The following INSYN2A variants were observed in gnomAD, a reference collection of about 807,000 sequenced individuals.
INSYN2A encodes the protein inhibitory synaptic factor 2A, also known as family with sequence similarity 196 member A.
Under a neutral mutation model 39.4 loss-of-function variants are expected in INSYN2A, and 17 were observed. The observed-to-expected ratio is 0.43, with a 90% confidence interval of 0.30 to 0.65. The LOEUF (loss-of-function observed/expected upper bound fraction) is 0.65, where lower values mean the gene tolerates loss of function less well. Among genes scored for constraint, INSYN2A ranks in the 30% least tolerant of loss-of-function variants. The pLI, the probability that INSYN2A is intolerant of heterozygous loss-of-function variation, is 0.14. For synonymous variants in INSYN2A, 255 were observed against 265.7 expected (o/e 0.96, Z 0.39); for missense variants, 595 against 631.2 (o/e 0.94, Z 0.61).
chr10:127,142,699 G>A lies in INSYN2A; in HGVS notation c.1257-4679C>T, dbSNP rs115742245. ...AGGGATTTACCTTTGTAGCCCTCTC[G>A]CTGCCTGCACCTCCATTCTCCCTCC... On this transcript the variant is annotated intron_variant, in intron 5 of 5. Transcript: ENST00000522781. 3.6e-3 allele frequency among the ~76,000 whole-genome samples: 541 copies of A among 152,242 alleles called. 3 individuals are homozygous for A. The highest frequency in any genetic ancestry group is 0.012 in the African/African-American group (508 of 41,532).
intron 5 of INSYN2A, among the ~76,000 whole-genome samples, chr10:127,144,582 T>A (rs1320927214): frequency 6.6e-6 from 1 of 152,214 alleles, no homozygotes; most frequent in African/African-American, 2.4e-5. Flanking sequence ...GCCGCCCTAT[T>A]TTCTGTTTTC....
In INSYN2A at chr10:127,136,474, T is replaced by A; in HGVS notation, c.*1363A>T. ...CTCACAAACTATTCAAAATTTAAGTTGTACAAAAAAAAAAAAAAAGGCAAA... is the reference window on the plus strand; with the variant it reads ...CTCACAAACTATTCAAAATTTAAGTAGTACAAAAAAAAAAAAAAAGGCAAA... On this transcript the variant is annotated 3_prime_UTR_variant, in exon 6 of 6. Transcript: ENST00000522781. 1 of 141,844 alleles carries A rather than the reference T, an allele frequency of 7.1e-6. No individual in the cohort carries two copies. Among genetic ancestry groups the A allele is most frequent in the Non-Finnish European group, 1.5e-5 (1 of 66,420 alleles). 8.8% of individuals were successfully genotyped at this position (141,844 alleles called of 1,614,324 possible).
chr10:127,165,886 A>G (rs373495208), intron 4 of INSYN2A, among the ~76,000 whole-genome samples: 1 of 152,138 alleles, frequency 6.6e-6, no homozygotes, highest in Admixed American at 6.5e-5. Context: ...GACCCTCTCA[A>G]TGAGGGGATC....
chr10:127,165,151 G>A (rs2053962731), intron 4 of INSYN2A, among the ~76,000 whole-genome samples: 2 of 152,180 alleles, frequency 1.3e-5, no homozygotes, highest in South Asian at 4.1e-4. Context: ...GAATTTGAAA[G>A]CATTAATGTT....
At chr10:127,140,458 T>C (rs543230099) in intron 5 of INSYN2A, among the ~76,000 whole-genome samples, 2 of 152,182 alleles carry the variant, frequency 1.3e-5, no homozygotes, top group Admixed American at 1.3e-4. Flanking sequence ...CCCCAGCCCA[T>C]CTCCCCATCT....
At chr10:127,170,077 G>A (rs1236541147) in intron 4 of INSYN2A, among the ~76,000 whole-genome samples, 9 of 151,896 alleles carry the variant, frequency 5.9e-5, no homozygotes, top group Non-Finnish European at 1.2e-4. Flanking sequence ...CTTTCTCAAT[G>A]AGGATGAACA....
chr10:127,193,597 G>C (rs78171672), intron 1 of INSYN2A, among the ~76,000 whole-genome samples: 1 of 152,076 alleles, frequency 6.6e-6, no homozygotes, highest in Non-Finnish European at 1.5e-5. Flanking sequence ...AAATGTCTAC[G>C]TGAACGGGTC....
rs755543710 is a variant in INSYN2A, at chr10:127,176,337, G to A, written c.59C>T (p.Pro20Leu). ...ILTTSESEVEPAACLALEMKY... is the reference protein window; with the variant it reads ...ILTTSESEVELAACLALEMKY... ...CATCTCCAGGGCCAGGCAGGCGGCG[G>A]GTTCCACTTCACTCTCCGACGTTGT... Residue 20 changes from proline (P) to leucine (L), a missense_variant, in exon 4 of 6, where the codon CCC (proline) becomes CTC (leucine). Physicochemically the swap from Pro to Leu is moderately conservative, Grantham distance 98 (BLOSUM62 -3). This residue lies in a region of INSYN2A where 478 missense variants were observed against 467.4 expected (regional missense o/e 1.02). Coordinates refer to ENST00000522781, the MANE Select transcript of INSYN2A (RefSeq NM_001039762.3). This position sits in a 1 kb window ranked among gnomAD's most constrained non-coding sequence, Gnocchi z 4.4. 6.2e-6 allele frequency: 10 copies of A among 1,613,776 alleles called. No homozygotes were observed. Among genetic ancestry groups the A allele is most frequent in the Non-Finnish European group, 8.5e-6 (10 of 1,179,990 alleles).
Position 127,189,119 on chromosome 10 carries a change from G to A in INSYN2A, c.-269+3486C>T, listed in dbSNP as rs531834661. Among the ~76,000 whole-genome samples the A allele has an allele frequency of 2.6e-5, 4 of 152,304 alleles. No individual in the cohort carries two copies. The South Asian group carries it at 8.3e-4, about 32-fold the overall frequency. On this transcript the variant is annotated intron_variant, in intron 2 of 5. Coordinates refer to ENST00000522781, the MANE Select transcript of INSYN2A (RefSeq NM_001039762.3). ...GTGCATGTGGATGACACTGGATGCA[G>A]GACCTACGAGACACAAGCTTGAGAA... is the stretch of plus-strand genomic sequence containing the variant.
At chr10:127,185,605 A>T (rs1332457315) in intron 2 of INSYN2A, among the ~76,000 whole-genome samples, 1 of 152,174 alleles carries the variant, frequency 6.6e-6, no homozygotes, top group Non-Finnish European at 1.5e-5. Flanking sequence ...GCTTCCAAGG[A>T]GTCTTTTTAC....
chr10:127,143,152 C>T (rs2051437155), intron 5 of INSYN2A, among the ~76,000 whole-genome samples: 1 of 152,190 alleles, frequency 6.6e-6, no homozygotes, highest in Admixed American at 6.5e-5. Flanking sequence ...ACTGAATCCT[C>T]AAGATAATTT....
In INSYN2A at chr10:127,135,438, A is replaced by AT. The variant is rs941762334; in HGVS notation, c.*2398dup. On this transcript the variant is annotated 3_prime_UTR_variant, in exon 6 of 6. Coordinates refer to ENST00000522781, the MANE Select transcript of INSYN2A (RefSeq NM_001039762.3). ...TTAATAGCCACATAAAACATCTTTG[A>AT]TTTTTTTATTTAAAAATTAATAAAG... 1.3e-5 allele frequency: 2 copies of AT among 152,610 alleles called. No individual in the cohort carries two copies. The highest frequency in any genetic ancestry group is 4.8e-5 in the African/African-American group (2 of 41,452). 9.5% of individuals were successfully genotyped at this position (152,610 alleles called of 1,614,324 possible).
chr10:127,181,490 C>T (rs2055731014), intron 2 of INSYN2A, among the ~76,000 whole-genome samples: 1 of 152,152 alleles, frequency 6.6e-6, no homozygotes, highest in Non-Finnish European at 1.5e-5. Context: ...AGACACCTCC[C>T]AGGGCCCAGC....
At chr10:127,149,070 G>C (rs1346440437) in intron 5 of INSYN2A, among the ~76,000 whole-genome samples, 1 of 152,146 alleles carries the variant, frequency 6.6e-6, no homozygotes, top group Non-Finnish European at 1.5e-5. Flanking sequence ...TAAGGGAGAG[G>C]TGTTTTTCAG....
chr10:127,185,550 C>T (rs1191621074), intron 2 of INSYN2A, among the ~76,000 whole-genome samples: 2 of 152,126 alleles, frequency 1.3e-5, no homozygotes, highest in East Asian at 3.9e-4. Flanking sequence ...GGGACCTTAG[C>T]TGAGATACAG....
At chr10:127,145,988 C>T (rs1326026965) in intron 5 of INSYN2A, 14 of 515,962 alleles carry the variant, frequency 2.7e-5, no homozygotes, top group South Asian at 7.1e-5. Context: ...CCTGGGGACC[C>T]CGCACCCTGA....
intron 5 of INSYN2A, among the ~76,000 whole-genome samples, chr10:127,150,513 G>A (rs2052386282): frequency 6.6e-6 from 1 of 152,192 alleles, no homozygotes; most frequent in Non-Finnish European, 1.5e-5. Context: ...CACGACATAA[G>A]TGGTGCACCC....
chr10:127,167,417 G>A (rs917845263), intron 4 of INSYN2A, among the ~76,000 whole-genome samples: 3 of 152,170 alleles, frequency 2.0e-5, no homozygotes, highest in African/African-American at 7.2e-5. Flanking sequence ...GGAGAGATAA[G>A]GAATTGATGA....
At chr10:127,147,205 G>A (rs2051953250) in intron 5 of INSYN2A, among the ~76,000 whole-genome samples, 1 of 152,174 alleles carries the variant, frequency 6.6e-6, no homozygotes, top group African/African-American at 2.4e-5. Context: ...AAGCCGTCAA[G>A]GATTGTGGTG....
Sources: allele counts gnomAD v4.1 joint callset (sites outside exome capture counted in the v4.1 genomes callset), GRCh38; gene constraint gnomAD v4.1.1; regional missense constraint gnomAD v4.1.1; non-coding constraint Gnocchi (gnomAD v3.1); transcripts MANE v1.5; gene names NCBI Gene and HGNC (gene_info 2026-07-23, HGNC 2026-07-21).